The following EIPR1 variants were observed in gnomAD, a reference collection of about 807,000 sequenced individuals.
The protein encoded by EIPR1 is EARP complex and GARP complex interacting protein 1.
EIPR1 carries 25 observed loss-of-function variants against 48.1 expected under a neutral mutation model. The ratio of observed to expected loss-of-function variants is 0.52; its 90% CI spans 0.38 to 0.73. EIPR1 has a LOEUF of 0.73. Ranked by LOEUF, EIPR1 falls within the 30% of genes least tolerant of loss-of-function variation. EIPR1 has a pLI of 0.00. For synonymous variants in EIPR1, 204 were observed against 201.9 expected (o/e 1.01, Z -0.09); for missense variants, 415 against 506.2 (o/e 0.82, Z 1.73).
At chr2:3,344,331 A>C (rs917998130) in intron 2 of EIPR1, among the ~76,000 whole-genome samples, 1 of 152,250 alleles carries the variant, frequency 6.6e-6, no homozygotes, top group South Asian at 2.1e-4. Context: ...CCTGGACAGA[A>C]CAAGCCATGG....
intron 2 of EIPR1, among the ~76,000 whole-genome samples, chr2:3,352,224 C>T (rs1036740336): frequency 1.9e-4 from 27 of 145,404 alleles, no homozygotes; most frequent in Non-Finnish European, 3.6e-4. Context: ...GCCCCTGAGC[C>T]ATCCATACTG....
chr2:3,211,420 GC>G (rs1212172378), intron 5 of EIPR1, among the ~76,000 whole-genome samples: 1 of 152,298 alleles, frequency 6.6e-6, no homozygotes, highest in East Asian at 1.9e-4. Flanking sequence ...CTCCCCACGA[GC>G]TCTGAGATTA....
chr2:3,200,785 G>A (rs189794304), intron 5 of EIPR1, among the ~76,000 whole-genome samples: 94 of 152,274 alleles, frequency 6.2e-4, no homozygotes, highest in African/African-American at 2.1e-3. Context: ...CAAGGCAGCC[G>A]ACACAGCACC....
At chr2:3,365,535 G>A (rs948120028) in intron 1 of EIPR1, among the ~76,000 whole-genome samples, 7 of 150,724 alleles carry the variant, frequency 4.6e-5, no homozygotes, top group African/African-American at 1.7e-4. Context: ...TTCTCGCAGA[G>A]GGGGATTTGG....
chr2:3,211,900 G>A (rs1044406430), intron 5 of EIPR1, among the ~76,000 whole-genome samples: 4 of 152,344 alleles, frequency 2.6e-5, no homozygotes, highest in Admixed American at 6.5e-5. Context: ...TACCCTCATC[G>A]GGGTCTGTGG....
At chr2:3,369,829 A>G (rs992146726) in intron 1 of EIPR1, among the ~76,000 whole-genome samples, 21 of 152,340 alleles carry the variant, frequency 1.4e-4, no homozygotes, top group Non-Finnish European at 2.2e-4. Context: ...ACAAAAAGAC[A>G]GCAGTAACCT....
intron 3 of EIPR1, among the ~76,000 whole-genome samples, chr2:3,300,017 C>G (rs2001812): frequency 0.11 from 17,211 of 152,140 alleles, 2,543 homozygotes; most frequent in East Asian, 0.56. Context: ...GCAGCCTGGC[C>G]TGGCAAAGCG....
At chr2:3,283,955 AAAAAAAAAAAG>A (rs1451459300) in intron 3 of EIPR1, among the ~76,000 whole-genome samples, 9 of 150,700 alleles carry the variant, frequency 6.0e-5, no homozygotes, top group Admixed American at 2.6e-4. Flanking sequence ...AAAAAAAAAA[AAAAAAAAAAAG>A]AAAGAAAGAA....
chr2:3,340,820 G>A (rs188301776), intron 2 of EIPR1, among the ~76,000 whole-genome samples: 119 of 152,234 alleles, frequency 7.8e-4, no homozygotes, highest in South Asian at 1.9e-3. Context: ...GGGTAGGCCA[G>A]GCGCGGTGGC....
At chr2:3,252,827 C>G (rs1310930287) in intron 4 of EIPR1, among the ~76,000 whole-genome samples, 1 of 152,204 alleles carries the variant, frequency 6.6e-6, no homozygotes, top group Admixed American at 6.5e-5. Context: ...GGAACCCCGG[C>G]ACTGCCTTGT....
chr2:3,280,727 TC>T (rs1667989963), intron 3 of EIPR1, among the ~76,000 whole-genome samples: 1 of 152,140 alleles, frequency 6.6e-6, no homozygotes, highest in East Asian at 1.9e-4. Flanking sequence ...ACAATATGGC[TC>T]CTAGAGGTGA....
At chr2:3,263,897 T>C (rs548780976) in intron 3 of EIPR1, among the ~76,000 whole-genome samples, 3 of 152,372 alleles carry the variant, frequency 2.0e-5, no homozygotes, top group Admixed American at 6.5e-5. Context: ...GATATGTGTA[T>C]ACATTGTGGA....
chr2:3,302,245 C>T (rs932796476), intron 3 of EIPR1, among the ~76,000 whole-genome samples: 3 of 152,162 alleles, frequency 2.0e-5, no homozygotes, highest in Non-Finnish European at 4.4e-5. Context: ...GGGCCAATGT[C>T]TAATGAATCA....
intron 1 of EIPR1, among the ~76,000 whole-genome samples, chr2:3,359,464 G>GGTTGCAGTTTTGGAAAAGC (rs1670804483): frequency 6.6e-6 from 1 of 152,096 alleles, no homozygotes; most frequent in South Asian, 2.1e-4. Context: ...AGAGTGAAGA[G>GGTTGCAGTTTTGGAAAAGC]GTTGCAGTTT....
chr2:3,246,221 C>T (rs1195196044), intron 4 of EIPR1, among the ~76,000 whole-genome samples: 2 of 152,228 alleles, frequency 1.3e-5, no homozygotes, highest in Admixed American at 1.3e-4. Flanking sequence ...ACTACTTATC[C>T]TCAAACACAA....
intron 1 of EIPR1, among the ~76,000 whole-genome samples, chr2:3,361,314 CCCAACCCCCTAAGCTGCAAG>C (rs1670846233): frequency 2.0e-5 from 3 of 152,128 alleles, no homozygotes; most frequent in Middle Eastern, 3.4e-3. Context: ...CTGGTGCAAG[CCCAACCCCCTAAGCTGCAAG>C]GAAAGAACTC....
At chr2:3,361,746 C>G (rs2103383826) in intron 1 of EIPR1, among the ~76,000 whole-genome samples, 1 of 150,724 alleles carries the variant, frequency 6.6e-6, no homozygotes, top group East Asian at 2.0e-4. Context: ...TGACCCTGCC[C>G]AAGCCCTTGG....
chr2:3,279,303 ACT>A (rs1032450609), intron 3 of EIPR1, among the ~76,000 whole-genome samples: 2 of 152,114 alleles, frequency 1.3e-5, no homozygotes, highest in Non-Finnish European at 2.9e-5. Context: ...TATCAAAAAC[ACT>A]CTCTTATAAA....
intron 3 of EIPR1, chr2:3,319,220 C>A: frequency 3.0e-6 from 1 of 330,974 alleles, no homozygotes; most frequent in Non-Finnish European, 6.0e-6. Context: ...AAAATCTGTG[C>A]CTCAGAAGCA....
Sources: gnomAD v4.1 joint callset for allele counts (sites outside exome capture counted in the v4.1 genomes callset) on GRCh38, gnomAD v4.1.1 for gene constraint, MANE v1.5 for transcripts, NCBI Gene and HGNC (gene_info 2026-07-23, HGNC 2026-07-21) for gene names.